Variants in GRIP2 observed in about 807,000 individuals in gnomAD.
GRIP2 encodes the protein glutamate receptor interacting protein 2.
A neutral mutation model predicts 108.3 loss-of-function variants in GRIP2; 58 were observed. The observed-to-expected ratio is 0.54, with a 90% CI of 0.43 to 0.67. GRIP2 has a LOEUF of 0.67. Among genes scored for constraint, GRIP2 ranks in the 30% least tolerant of loss-of-function variants. The pLI is 0.00. For synonymous variants in GRIP2, 586 were observed against 598.2 expected (o/e 0.98, Z 0.30); for missense variants, 1,278 against 1,430.6 (o/e 0.89, Z 1.72).
At chr3:14,581,371 G>A in the GRIP2 span, among the ~76,000 whole-genome samples, 1 of 152,196 alleles carries the variant, frequency 6.6e-6, no homozygotes, top group Non-Finnish European at 1.5e-5. Flanking sequence ...GCTTACGGAT[G>A]AGTTGGGTGA....
chr3:14,573,768 T>G, the GRIP2 span: 1 of 1,542,826 alleles, frequency 6.5e-7, no homozygotes, highest in Non-Finnish European at 8.9e-7. Flanking sequence ...CCTGGGATCC[T>G]GGTGGCAGAC....
intron 1 of GRIP2, 31 bp from the exon 2 acceptor site, chr3:14,525,962 T>A: frequency 2.6e-6 from 4 of 1,539,292 alleles, no homozygotes; most frequent in Non-Finnish European, 3.5e-6. Context: ...AAGGCCGAGT[T>A]CCACTTTCGT....
At chr3:14,572,698 C>G in the GRIP2 span, among the ~76,000 whole-genome samples, 1 of 149,354 alleles carries the variant, frequency 6.7e-6, no homozygotes, top group Non-Finnish European at 1.5e-5. Context: ...AGGGGTTCAA[C>G]AGAAGTGAAC....
Position 14,496,564 on chromosome 3 carries a change from CA to C in GRIP2, c.2680-5del, listed in dbSNP as rs11333211. ...CGGTGCCCGTCATGATGGATGCCTG[CA>C]AGGAACACGGCCTTTCTTTCAGATG... On this transcript the variant is annotated splice_region_variant and splice_polypyrimidine_tract_variant and intron_variant, in intron 21 of 23. Coordinates refer to ENST00000621039, the MANE Select transcript of GRIP2 (RefSeq NM_001080423.4). 725,943 of 1,598,166 alleles carry C rather than the reference CA, an allele frequency of 0.45. 171,314 individuals carry two copies. Among genetic ancestry groups the C allele is most frequent in the South Asian group, 0.7 (63,568 of 90,176 alleles).
At chr3:14,534,563 G>A (rs1694789175) in intron 1 of GRIP2, among the ~76,000 whole-genome samples, 1 of 151,892 alleles carries the variant, frequency 6.6e-6, no homozygotes, top group Non-Finnish European at 1.5e-5. Context: ...CCAGCAACGG[G>A]CAATTATGAG....
chr3:14,589,586 A>C, the GRIP2 span, among the ~76,000 whole-genome samples: 6 of 151,914 alleles, frequency 3.9e-5, no homozygotes, highest in African/African-American at 1.5e-4. Context: ...GTCCTTATTC[A>C]TGTTGTCTAG....
At chr3:14,543,421 C>G (rs1191292411), upstream of GRIP2, among the ~76,000 whole-genome samples, 2 of 152,130 alleles carry the variant, frequency 1.3e-5, no homozygotes, top group African/African-American at 4.8e-5. Context: ...GGTGAGACAG[C>G]TTTGCAAGCA....
At chr3:14,495,048 C>T in intron 22 of GRIP2, 59 bp from the exon 23 acceptor site, 1 of 1,590,436 alleles carries the variant, frequency 6.3e-7, no homozygotes, top group Non-Finnish European at 8.6e-7. Context: ...CAGCCTCTCA[C>T]AGTAGCCCAG....
At chr3:14,526,120 G>C (rs7613925) in intron 1 of GRIP2, 189 bp from the exon 2 acceptor site, 106,812 of 621,230 alleles carry the variant, frequency 0.17, 9,973 homozygotes, top group African/African-American at 0.19. Flanking sequence ...CCTGGCCCCT[G>C]CTCTTGGGGC....
At chr3:14,569,879 G>C in the GRIP2 span, among the ~76,000 whole-genome samples, 1 of 152,088 alleles carries the variant, frequency 6.6e-6, no homozygotes, top group Non-Finnish European at 1.5e-5. Flanking sequence ...CAGAAGTCGA[G>C]CCAGGCCCTG....
intron 3 of GRIP2, 66 bp downstream of exon 3, chr3:14,525,371 T>C: frequency 6.4e-7 from 1 of 1,573,846 alleles, no homozygotes; most frequent in Non-Finnish European, 8.6e-7. Context: ...CATTTTCCAC[T>C]GGCCCTGGGC....
In GRIP2 at chr3:14,512,489, ACCTT is replaced by A. The variant is rs148244354; in HGVS notation, c.1720+284_1720+287del. On this transcript the variant is annotated intron_variant, in intron 14 of 23. Coordinates refer to ENST00000621039, the MANE Select transcript of GRIP2 (RefSeq NM_001080423.4). This position sits in a 1 kb window ranked among gnomAD's most constrained non-coding sequence, Gnocchi z 5.1. The stretch of plus-strand genomic sequence containing the variant: ...ACCAAACCCAGCCTAAATATTTGTC[ACCTT>A]CCAATGCTCTCTCACCATGGGCACC... Among the ~76,000 whole-genome samples, 5,144 of 152,152 alleles carry A rather than the reference ACCTT, an allele frequency of 0.034. 270 individuals are homozygous for A. Among genetic ancestry groups the A allele is most frequent in the African/African-American group, 0.11 (4,585 of 41,478 alleles).
chr3:14,547,675 C>T (rs530198417), intron 1 of GRIP2, among the ~76,000 whole-genome samples: 1 of 152,306 alleles, frequency 6.6e-6, no homozygotes, highest in Non-Finnish European at 1.5e-5. Flanking sequence ...GCCTTGCTGT[C>T]TGTCCACCCT....
intron 1 of GRIP2, chr3:14,530,996 C>T (rs1385910607): frequency 6.6e-6 from 1 of 152,160 alleles, no homozygotes; most frequent in Non-Finnish European, 1.5e-5. Context: ...CTACGGAAGA[C>T]TTCACAAATT....
At chr3:14,515,027 C>T (rs1196992245) in intron 11 of GRIP2, among the ~76,000 whole-genome samples, 8 of 152,204 alleles carry the variant, frequency 5.3e-5, no homozygotes, top group Admixed American at 3.3e-4. Flanking sequence ...CCTAGGCAAC[C>T]GCGAATCTAC....
chr3:14,552,797 T>A, intron 1 of GRIP2, among the ~76,000 whole-genome samples: 1 of 152,134 alleles, frequency 6.6e-6, no homozygotes, highest in East Asian at 1.9e-4. Flanking sequence ...TTCACCATGT[T>A]AGGCAGGCTG....
Position 14,514,346 on chromosome 3 carries a change from G to T in GRIP2, c.1439C>A (p.Thr480Asn). ...QLQGGIFATE[T>N]LSSPPLVCFI... is the part of the protein sequence containing the mutation. ...GCACACGAGGGGTGGGGAGGACAGG[G>T]TCTCGGTGGCGAAGATGCCGCCCTG... Residue 480 changes from threonine (T) to asparagine (N), a missense_variant, in exon 12 of 24, where the codon ACC (threonine) becomes AAC (asparagine). By Grantham distance (65) the Thr-to-Asn change is moderately conservative. Coordinates refer to ENST00000621039, the MANE Select transcript of GRIP2 (RefSeq NM_001080423.4). 1 of 1,578,360 alleles carries T rather than the reference G, an allele frequency of 6.3e-7. No individual in the cohort carries two copies. The highest frequency in any genetic ancestry group is 8.6e-7 in the Non-Finnish European group (1 of 1,163,158).
In GRIP2 at chr3:14,495,693, C is replaced by T. The variant is rs553743784; in HGVS notation, c.2824-704G>A. Among the ~76,000 whole-genome samples, 134 of 152,262 alleles carry T rather than the reference C, an allele frequency of 8.8e-4. 1 individual carries two copies. The highest frequency in any genetic ancestry group is 3.2e-3 in the African/African-American group (131 of 41,550). ...GTGCTGGGATTACAGGCATGAGCCA[C>T]CGCGACCAGCTCGTATCTTTTTATA... On this transcript the variant is annotated intron_variant, in intron 22 of 23. Coordinates refer to ENST00000621039, the MANE Select transcript of GRIP2 (RefSeq NM_001080423.4).
chr3:14,567,594 C>T, the GRIP2 span, among the ~76,000 whole-genome samples: 1 of 152,276 alleles, frequency 6.6e-6, no homozygotes, highest in African/African-American at 2.4e-5. Context: ...TCTTCTAGTC[C>T]TCAAACAAGG....
Sources: gnomAD v4.1 joint callset for allele counts (sites outside exome capture counted in the v4.1 genomes callset) on GRCh38, gnomAD v4.1.1 for gene constraint, Gnocchi (gnomAD v3.1) non-coding constraint, MANE v1.5 for transcripts, NCBI Gene and HGNC (gene_info 2026-07-23, HGNC 2026-07-21) for gene names.